The following MAGI1 variants were observed in gnomAD, a reference collection of about 807,000 sequenced individuals.
MAGI1 encodes membrane associated guanylate kinase, WW and PDZ domain containing 1, also known as membrane-associated guanylate kinase, WW and PDZ domain-containing protein 1.
Under a neutral mutation model 139.9 loss-of-function variants are expected in MAGI1, and 58 were observed. The ratio of observed to expected loss-of-function variants is 0.41; its 90% CI spans 0.34 to 0.52. The LOEUF is 0.52. Ranked by LOEUF, MAGI1 falls within the 20% of genes least tolerant of loss-of-function variation. The pLI is 0.12. For synonymous variants in MAGI1, 812 were observed against 737.9 expected, an observed-to-expected ratio of 1.10 and a Z score of -1.63; for missense variants, 1,874 against 1,901.6, an observed-to-expected ratio of 0.99 and a Z score of 0.27.
At chr3:65,637,449 G>C (rs1216028979) in intron 1 of MAGI1, among the ~76,000 whole-genome samples, 1 of 151,932 alleles carries the variant, frequency 6.6e-6, no homozygotes, top group Non-Finnish European at 1.5e-5. Flanking sequence ...AGCTACTTGG[G>C]AGGCTGAGTT....
intron 2 of MAGI1, among the ~76,000 whole-genome samples, chr3:65,530,659 GTGTATATA>G (rs1482629860): frequency 1.2e-5 from 1 of 81,180 alleles, no homozygotes; most frequent in African/African-American, 4.9e-5. Flanking sequence ...GTGTGTGTGT[GTGTATATA>G]TATATACATA....
At chr3:65,901,183 C>G (rs1369430041) in intron 1 of MAGI1, among the ~76,000 whole-genome samples, 4 of 152,176 alleles carry the variant, frequency 2.6e-5, no homozygotes, top group African/African-American at 7.2e-5. Flanking sequence ...CTATTCCTCT[C>G]TAACCAAAAC....
intron 1 of MAGI1, among the ~76,000 whole-genome samples, chr3:65,972,874 A>G (rs1011442539): frequency 6.6e-6 from 1 of 152,358 alleles, no homozygotes; most frequent in Middle Eastern, 3.4e-3. Flanking sequence ...AGTTAAACAT[A>G]TGAAAGACAG....
chr3:66,016,738 G>C (rs2067661800), intron 1 of MAGI1, among the ~76,000 whole-genome samples: 1 of 152,178 alleles, frequency 6.6e-6, no homozygotes, highest in African/African-American at 2.4e-5. Flanking sequence ...GGACAAGGTG[G>C]AAACAACCCA....
chr3:65,365,811 A>G (rs1941367894), intron 18 of MAGI1, among the ~76,000 whole-genome samples: 1 of 152,228 alleles, frequency 6.6e-6, no homozygotes, highest in Non-Finnish European at 1.5e-5. Context: ...TTTACTGAAT[A>G]CATGTATCTT....
At chr3:65,964,130 T>C (rs1287386333) in intron 1 of MAGI1, among the ~76,000 whole-genome samples, 1 of 152,192 alleles carries the variant, frequency 6.6e-6, no homozygotes, top group Non-Finnish European at 1.5e-5. Context: ...TTTTAACCCA[T>C]TAAGCACAGC....
At chr3:65,576,739 T>C (rs1323115088) in intron 2 of MAGI1, among the ~76,000 whole-genome samples, 2 of 152,190 alleles carry the variant, frequency 1.3e-5, no homozygotes, top group Non-Finnish European at 2.9e-5. Context: ...ATAATAAACT[T>C]GACTTTTTCT....
At chr3:65,389,411 A>G (rs984340418) in intron 14 of MAGI1, among the ~76,000 whole-genome samples, 6 of 152,150 alleles carry the variant, frequency 3.9e-5, no homozygotes, top group Non-Finnish European at 7.3e-5. Flanking sequence ...TTTATCACAA[A>G]AAGATTCATA....
intron 1 of MAGI1, among the ~76,000 whole-genome samples, chr3:65,655,895 C>T (rs1380617741): frequency 6.6e-6 from 1 of 152,210 alleles, no homozygotes; most frequent in Non-Finnish European, 1.5e-5. Flanking sequence ...AGCTCTTCCA[C>T]ACTTTGTGTG....
At chr3:65,460,923 C>T (rs1949738759) in intron 5 of MAGI1, among the ~76,000 whole-genome samples, 1 of 152,044 alleles carries the variant, frequency 6.6e-6, no homozygotes. Context: ...ATATATGTGC[C>T]ACATTTTCTT....
At chr3:65,688,140 C>T in intron 1 of MAGI1, 2 of 759,346 alleles carry the variant, frequency 2.6e-6, no homozygotes, top group Middle Eastern at 2.5e-4. Context: ...AGGACTGTTC[C>T]TGCCAGGGTC....
At chr3:65,665,001 T>C (rs1047314927) in intron 1 of MAGI1, among the ~76,000 whole-genome samples, 2 of 152,196 alleles carry the variant, frequency 1.3e-5, no homozygotes, top group Admixed American at 6.5e-5. Flanking sequence ...ACATCTTCCA[T>C]GTGGTCTTGA....
At chr3:65,689,986 C>T (rs145102758) in intron 1 of MAGI1, among the ~76,000 whole-genome samples, 117 of 152,232 alleles carry the variant, frequency 7.7e-4, no homozygotes, top group Non-Finnish European at 1.2e-3. Context: ...GCCCCTTCCC[C>T]GGCTCAGCAC....
chr3:65,933,441 T>G (rs951199834), intron 1 of MAGI1, among the ~76,000 whole-genome samples: 2 of 152,178 alleles, frequency 1.3e-5, no homozygotes, highest in East Asian at 3.9e-4. Context: ...ATTGGTTGCT[T>G]GTCTGTCCTC....
Position 65,355,948 on chromosome 3 carries a change from CACT to C in MAGI1, c.*427_*429del, listed in dbSNP as rs1477022172. On this transcript the variant is annotated 3_prime_UTR_variant, in exon 23 of 23. Coordinates refer to ENST00000402939, the MANE Select transcript of MAGI1 (RefSeq NM_001033057.2). ...AGAAAAACTTCCGACTACAGTATAGCACTACATCACTACATGACAGTCTATATC... is the reference window on the plus strand; with the variant it reads ...AGAAAAACTTCCGACTACAGTATAGCACATCACTACATGACAGTCTATATC... 1.3e-5 allele frequency: 2 copies of C among 154,548 alleles called. No homozygotes were observed. The highest frequency in any genetic ancestry group is 4.8e-5 in the African/African-American group (2 of 41,494). The allele number at this position is 154,548 out of a possible 1,614,324, so 9.6% of individuals were successfully genotyped here. A position where few individuals can be genotyped will look rare whatever the true frequency, so the allele number is the denominator to read the frequency against.
rs117221941 is a variant in MAGI1 at position 65,790,737 on chromosome 3, A to G, written c.314-168649T>C. On this transcript the variant is annotated intron_variant, in intron 1 of 22. Transcript: ENST00000402939. ...AACAACCTCAGCCTCGCGGGGGAAC[A>G]TGCTTGTGCTTTTCGGTTCTATAGT... 1.4e-3 allele frequency among the ~76,000 whole-genome samples: 216 copies of G among 152,312 alleles called. 3 individuals are homozygous for G. The East Asian group carries it at 0.035, about 25-fold the overall frequency.
chr3:65,822,338 G>A (rs994842522), intron 1 of MAGI1, among the ~76,000 whole-genome samples: 4 of 152,124 alleles, frequency 2.6e-5, no homozygotes, highest in African/African-American at 9.7e-5. Flanking sequence ...GACCAGCCTG[G>A]CCAACATGGT....
intron 5 of MAGI1, among the ~76,000 whole-genome samples, chr3:65,454,594 T>C (rs962410573): frequency 2.0e-5 from 3 of 150,602 alleles, no homozygotes; most frequent in Non-Finnish European, 4.4e-5. Context: ...AGAAGTTTTT[T>C]TAAAAATTAA....
rs768268009 is a variant in MAGI1 at position 65,812,482 on chromosome 3, A to ACACACACACG, written c.314-190395_314-190394insCGTGTGTGTG. 1.7e-4 allele frequency among the ~76,000 whole-genome samples: 25 copies of ACACACACACG among 150,272 alleles called. 1 individual carries two copies. The highest frequency in any genetic ancestry group is 1.2e-4 in the Non-Finnish European group (8 of 67,582). ...CTCTCTCTCTCTCACACACACACACACACACACACTTCTCTATCATTTTCT... is the reference window on the plus strand; with the variant it reads ...CTCTCTCTCTCTCACACACACACACACACACACACGCACACACACTTCTCTATCATTTTCT... On this transcript the variant is annotated intron_variant, in intron 1 of 22. Coordinates refer to ENST00000402939, the MANE Select transcript of MAGI1 (RefSeq NM_001033057.2).
Sources: gnomAD v4.1 joint callset for allele counts (sites outside exome capture counted in the v4.1 genomes callset) on GRCh38, gnomAD v4.1.1 for gene constraint, MANE v1.5 for transcripts, NCBI Gene and HGNC (gene_info 2026-07-23, HGNC 2026-07-21) for gene names.